MAD1L1: variants seen among roughly 807,000 people sequenced by gnomAD.
The protein encoded by MAD1L1 is mitotic arrest deficient 1 like 1.
MAD1L1 carries 95 observed loss-of-function variants against 96.9 expected under a neutral mutation model. The ratio of observed to expected loss-of-function variants is 0.98; its 90% CI spans 0.83 to 1.16. The LOEUF (loss-of-function observed/expected upper bound fraction) is 1.16. Among genes scored for constraint, MAD1L1 ranks in the 50% most tolerant of loss-of-function variants. MAD1L1 has a pLI of 0.00. For synonymous variants in MAD1L1, 473 were observed against 396.6 expected (o/e 1.19, Z -2.29); for missense variants, 1,007 against 954.4 (o/e 1.06, Z -0.73).
At chr7:1,887,748 T>C (rs986958828) in intron 18 of MAD1L1, among the ~76,000 whole-genome samples, 3 of 151,116 alleles carry the variant, frequency 2.0e-5, no homozygotes, top group African/African-American at 7.3e-5. Flanking sequence ...TTCCTGTGCA[T>C]GTGTCCATGT....
intron 10 of MAD1L1, among the ~76,000 whole-genome samples, chr7:2,197,077 G>A (rs750260199): frequency 1.6e-4 from 25 of 152,326 alleles, no homozygotes; most frequent in South Asian, 8.3e-4. Context: ...TGCAGGACGC[G>A]GTCCAAACCA....
intron 12 of MAD1L1, among the ~76,000 whole-genome samples, chr7:2,065,689 A>G (rs1309536856): frequency 6.6e-6 from 1 of 152,076 alleles, no homozygotes; most frequent in Non-Finnish European, 1.5e-5. Flanking sequence ...GGGTGTCACC[A>G]TGACAACCAC....
At chr7:2,197,319 G>T (rs1020364757) in intron 10 of MAD1L1, among the ~76,000 whole-genome samples, 3 of 152,156 alleles carry the variant, frequency 2.0e-5, no homozygotes, top group Admixed American at 6.5e-5. Flanking sequence ...GATCTGAGAG[G>T]ACTGGAAAAC....
intron 15 of MAD1L1, among the ~76,000 whole-genome samples, chr7:1,966,610 C>G (rs1029783805): frequency 2.2e-5 from 3 of 135,366 alleles, no homozygotes; most frequent in African/African-American, 8.3e-5. Context: ...AGAAGCTGAG[C>G]AAACTCCAAA....
At chr7:1,915,133 G>A (rs533803289) in intron 17 of MAD1L1, among the ~76,000 whole-genome samples, 3 of 152,190 alleles carry the variant, frequency 2.0e-5, no homozygotes, top group Non-Finnish European at 4.4e-5. Context: ...GGTATGTGTG[G>A]AGAGGTGCTG....
chr7:1,983,698 T>C (rs990519350), intron 14 of MAD1L1, among the ~76,000 whole-genome samples: 6 of 152,228 alleles, frequency 3.9e-5, no homozygotes, highest in African/African-American at 1.4e-4. Context: ...CACCTACGTA[T>C]CCACCGTCCA....
chr7:2,223,910 C>G (rs765937698), intron 4 of MAD1L1, among the ~76,000 whole-genome samples: 1 of 152,174 alleles, frequency 6.6e-6, no homozygotes, highest in East Asian at 1.9e-4. Flanking sequence ...TCTGACTGTT[C>G]CTGGGGTCCC....
At chr7:2,160,809 A>G (rs1790069831) in intron 10 of MAD1L1, among the ~76,000 whole-genome samples, 1 of 152,192 alleles carries the variant, frequency 6.6e-6, no homozygotes, top group East Asian at 1.9e-4. Flanking sequence ...AATGTTTTCA[A>G]TATTCTGTAC....
chr7:2,221,142 CT>C (rs1793584956), intron 5 of MAD1L1: 1 of 890,752 alleles, frequency 1.1e-6, no homozygotes, highest in African/African-American at 1.7e-5. Context: ...CCATCTTCCC[CT>C]CACTATGCCC....
At chr7:1,935,893 C>T (rs560614742) in intron 17 of MAD1L1, among the ~76,000 whole-genome samples, 64 of 152,356 alleles carry the variant, frequency 4.2e-4, no homozygotes, top group African/African-American at 1.4e-3. Context: ...AAGGGGACGC[C>T]GGGCCACGCT....
chr7:2,172,412 C>T (rs1790748511), intron 10 of MAD1L1, among the ~76,000 whole-genome samples: 1 of 152,190 alleles, frequency 6.6e-6, no homozygotes, highest in Non-Finnish European at 1.5e-5. Flanking sequence ...ACACAGGGCC[C>T]AGGGCCCAGC....
chr7:2,158,242 G>A (rs377710337), intron 10 of MAD1L1, among the ~76,000 whole-genome samples: 3 of 152,344 alleles, frequency 2.0e-5, no homozygotes, highest in South Asian at 2.1e-4. Context: ...CTTCCGAGGC[G>A]AGAGCAGCTC....
intron 10 of MAD1L1, among the ~76,000 whole-genome samples, chr7:2,182,182 C>A (rs192392027): frequency 7.9e-5 from 12 of 151,936 alleles, no homozygotes; most frequent in Non-Finnish European, 1.6e-4. Context: ...CAATGAAGAT[C>A]ATAAAATGTA....
intron 18 of MAD1L1, among the ~76,000 whole-genome samples, chr7:1,834,079 C>T (rs1437157116): frequency 1.3e-5 from 2 of 151,958 alleles, no homozygotes; most frequent in Non-Finnish European, 2.9e-5. Flanking sequence ...TCTAAATAAC[C>T]CATACGTCAA....
chr7:2,116,523 G>A (rs1190931119), intron 11 of MAD1L1, among the ~76,000 whole-genome samples: 2 of 150,660 alleles, frequency 1.3e-5, no homozygotes, highest in Admixed American at 6.6e-5. Context: ...CAGGTGGGCA[G>A]GGCCTGGATA....
intron 18 of MAD1L1, among the ~76,000 whole-genome samples, chr7:1,893,326 C>G (rs186358901): frequency 6.6e-5 from 10 of 152,166 alleles, no homozygotes; most frequent in African/African-American, 2.4e-4. Flanking sequence ...GGGGACTGTG[C>G]GGCAAACCCT....
chr7:1,841,589 GC>G, intron 18 of MAD1L1, among the ~76,000 whole-genome samples: 1 of 152,346 alleles, frequency 6.6e-6, no homozygotes, highest in East Asian at 1.9e-4. Context: ...CGTTCTCAGA[GC>G]CTCCCAGGTG....
chr7:2,029,007 T>C (rs1783104262), intron 12 of MAD1L1, among the ~76,000 whole-genome samples: 1 of 150,794 alleles, frequency 6.6e-6, no homozygotes, highest in Non-Finnish European at 1.5e-5. Context: ...ACCTGGAGGG[T>C]GGCGAAGCTT....
At chr7:1,890,062 C>A (rs1786440397) in intron 18 of MAD1L1, among the ~76,000 whole-genome samples, 1 of 152,234 alleles carries the variant, frequency 6.6e-6, no homozygotes. Context: ...CTCTCTATGG[C>A]AAGAATGGGG....
Sources: allele counts gnomAD v4.1 joint callset (sites outside exome capture counted in the v4.1 genomes callset), GRCh38; gene constraint gnomAD v4.1.1; transcripts MANE v1.5; gene names NCBI Gene and HGNC (gene_info 2026-07-23, HGNC 2026-07-21).